CDH4: variants seen among roughly 807,000 people sequenced by gnomAD.
CDH4 encodes cadherin-4.
A neutral mutation model predicts 86.0 loss-of-function variants in CDH4; 33 were observed. The ratio of observed to expected loss-of-function variants is 0.38; its 90% CI spans 0.29 to 0.51. CDH4 has a LOEUF of 0.51. Ranked by LOEUF, CDH4 falls within the 20% of genes least tolerant of loss-of-function variation. The pLI, the probability that CDH4 is intolerant of heterozygous loss-of-function variation, is 0.86. For synonymous variants in CDH4, 555 were observed against 549.4 expected (o/e 1.01, Z -0.14); for missense variants, 1,114 against 1,307.4 (o/e 0.85, Z 2.28).
At chr20:61,385,452 G>A (rs528855973) in intron 2 of CDH4, among the ~76,000 whole-genome samples, 18 of 140,094 alleles carry the variant, frequency 1.3e-4, no homozygotes, top group African/African-American at 3.9e-4. Flanking sequence ...CGAAATCCCC[G>A]CCGCCCCCCG....
rs896389300 is a variant in CDH4 at position 61,305,456 on chromosome 20, G to A, written c.169+50519G>A. On this transcript the variant is annotated intron_variant, in intron 2 of 15. Transcript: ENST00000614565. ...TGCATTTCCAACACTTTTTCTCTAT[G>A]GATGCTGCTGGTGTGGGGACCACAC... Among the ~76,000 whole-genome samples, 75 of 152,350 alleles carry A rather than the reference G, an allele frequency of 4.9e-4. 1 individual carries two copies. The highest frequency in any genetic ancestry group is 1.7e-3 in the African/African-American group (69 of 41,598).
intron 2 of CDH4, among the ~76,000 whole-genome samples, chr20:61,638,882 G>A (rs957706383): frequency 3.3e-5 from 5 of 152,150 alleles, no homozygotes; most frequent in Non-Finnish European, 5.9e-5. Context: ...TTCAGATTCC[G>A]CACAGTGTAG....
chr20:61,841,104 C>T (rs1413524326), intron 4 of CDH4, among the ~76,000 whole-genome samples: 3 of 152,344 alleles, frequency 2.0e-5, no homozygotes, highest in East Asian at 1.9e-4. Flanking sequence ...CCGTCCCTGG[C>T]GCCCACCTCC....
rs78617884 is a variant in CDH4 at position 61,859,329 on chromosome 20, T to C, written c.877+6431T>C. Among the ~76,000 whole-genome samples, 15 of 152,310 alleles carry C rather than the reference T, an allele frequency of 9.8e-5. No homozygotes were observed. In the East Asian group the frequency reaches 2.9e-3, roughly 29 times the overall value. ...TTGTCGGATATGTGGTTTGCAAATA[T>C]TTCTCCCACTCAGTAACTTGTCTTC... is the stretch of plus-strand genomic sequence containing the variant. On this transcript the variant is annotated intron_variant, in intron 6 of 15. Coordinates refer to ENST00000614565, the MANE Select transcript of CDH4 (RefSeq NM_001794.5).
At chr20:61,303,505 C>T (rs891593572) in intron 2 of CDH4, among the ~76,000 whole-genome samples, 1 of 152,196 alleles carries the variant, frequency 6.6e-6, no homozygotes, top group Non-Finnish European at 1.5e-5. Context: ...CCTTCTCTGC[C>T]TCATCCTCAC....
intron 2 of CDH4, among the ~76,000 whole-genome samples, chr20:61,404,083 G>A (rs1160413480): frequency 1.3e-5 from 2 of 152,180 alleles, no homozygotes; most frequent in Admixed American, 6.5e-5. Flanking sequence ...GGACTCCCAG[G>A]AGCTGGGCAC....
In CDH4 at chr20:61,810,129, G is replaced by A. The variant is rs1357825628; in HGVS notation, c.577-34539G>A. 6.6e-6 allele frequency among the ~76,000 whole-genome samples: 1 copy of A among 152,202 alleles called. No individual in the cohort carries two copies. Among genetic ancestry groups the A allele is most frequent in the Non-Finnish European group, 1.5e-5 (1 of 68,040 alleles). ...GACCTGGACGGGCCTCAGCCGGGGT[G>A]GGGTGGGGGGCACCTGAGCCTAGAC... On this transcript the variant is annotated intron_variant, in intron 4 of 15. Coordinates refer to ENST00000614565, the MANE Select transcript of CDH4 (RefSeq NM_001794.5). The surrounding 1 kb of genome is among the most constrained non-coding windows in gnomAD (Gnocchi z 4.3).
At chr20:61,751,553 G>A (rs2088496063) in intron 3 of CDH4, among the ~76,000 whole-genome samples, 2 of 151,904 alleles carry the variant, frequency 1.3e-5, no homozygotes, top group African/African-American at 4.9e-5. Context: ...AATGCCCAGG[G>A]TGCAGACGCT....
At chr20:61,747,408 C>T (rs1415639050) in intron 3 of CDH4, among the ~76,000 whole-genome samples, 4 of 147,650 alleles carry the variant, frequency 2.7e-5, no homozygotes, top group East Asian at 4.0e-4. Flanking sequence ...AGTGAGCCAC[C>T]GCACTCCAGC....
intron 2 of CDH4, among the ~76,000 whole-genome samples, chr20:61,445,438 T>A (rs2085343914): frequency 6.6e-6 from 1 of 152,212 alleles, no homozygotes; most frequent in Non-Finnish European, 1.5e-5. Flanking sequence ...CCAGCCACAG[T>A]GAGGGCCCTC....
At chr20:61,749,267 A>G (rs1379715701) in intron 3 of CDH4, among the ~76,000 whole-genome samples, 1 of 152,246 alleles carries the variant, frequency 6.6e-6, no homozygotes, top group Non-Finnish European at 1.5e-5. Flanking sequence ...CTATGCAATC[A>G]GTGGTCAATT....
Position 61,501,678 on chromosome 20 carries a change from G to A in CDH4, c.170-241885G>A, listed in dbSNP as rs1158946589. On this transcript the variant is annotated intron_variant, in intron 2 of 15. Transcript: ENST00000614565. The surrounding 1 kb of genome is among the most constrained non-coding windows in gnomAD (Gnocchi z 4.2). Reference sequence around the variant, plus strand: ...TGTTCCGGAAAGCATGCCGTGCCCTGTGAACTAGAAGAGGGTACTGGAATA... The same window carrying A: ...TGTTCCGGAAAGCATGCCGTGCCCTATGAACTAGAAGAGGGTACTGGAATA... Among the ~76,000 whole-genome samples, 1 of 152,128 alleles carries A rather than the reference G, an allele frequency of 6.6e-6. No individual in the cohort carries two copies. Among genetic ancestry groups the A allele is most frequent in the East Asian group, 1.9e-4 (1 of 5,174 alleles).
At chr20:61,647,992 C>G (rs1397183715) in intron 2 of CDH4, among the ~76,000 whole-genome samples, 2 of 152,246 alleles carry the variant, frequency 1.3e-5, no homozygotes, top group South Asian at 2.1e-4. Flanking sequence ...CGGCAGGAAC[C>G]CTGACTGCTG....
At chr20:61,643,549 C>T (rs1248938191) in intron 2 of CDH4, among the ~76,000 whole-genome samples, 2 of 152,316 alleles carry the variant, frequency 1.3e-5, no homozygotes, top group African/African-American at 4.8e-5. Context: ...GTCAGGGGAC[C>T]AAGAGGTGCA....
At chr20:61,819,834 G>A (rs1463476829) in intron 4 of CDH4, among the ~76,000 whole-genome samples, 1 of 152,170 alleles carries the variant, frequency 6.6e-6, no homozygotes, top group Non-Finnish European at 1.5e-5. Context: ...TCATTTAGGG[G>A]GCCTGGTGGT....
chr20:61,826,351 T>A (rs568176016), intron 4 of CDH4, among the ~76,000 whole-genome samples: 1 of 152,314 alleles, frequency 6.6e-6, no homozygotes, highest in African/African-American at 2.4e-5. Flanking sequence ...TCCCAAGCAC[T>A]CTTGGTCTTT....
In CDH4 at chr20:61,620,931, C is replaced by G. The variant is rs368215827; in HGVS notation, c.170-122632C>G. On this transcript the variant is annotated intron_variant, in intron 2 of 15. Coordinates refer to ENST00000614565, the MANE Select transcript of CDH4 (RefSeq NM_001794.5). ...AGACTGCTGAGAGGCGCTTCTTCCACGCGGGAAGGTTCAGCTTTCCTGGGT... is the reference window on the plus strand; with the variant it reads ...AGACTGCTGAGAGGCGCTTCTTCCAGGCGGGAAGGTTCAGCTTTCCTGGGT... Among the ~76,000 whole-genome samples the G allele has an allele frequency of 1.3e-3, 191 of 152,354 alleles. 1 individual carries two copies. Among genetic ancestry groups the G allele is most frequent in the Middle Eastern group, 3.4e-3 (1 of 294 alleles).
intron 2 of CDH4, among the ~76,000 whole-genome samples, chr20:61,402,592 T>C (rs527515605): frequency 6.6e-6 from 1 of 152,304 alleles, no homozygotes; most frequent in Admixed American, 6.5e-5. Context: ...GGTTTCATCA[T>C]GTTGGCCAGG....
chr20:61,652,943 T>TTA (rs2087140047), intron 2 of CDH4, among the ~76,000 whole-genome samples: 1 of 121,212 alleles, frequency 8.3e-6, no homozygotes, highest in Non-Finnish European at 1.9e-5. Flanking sequence ...TATTTATTTT[T>TTA]TTTTTTTTTT....
Sources: gnomAD v4.1 joint callset for allele counts (sites outside exome capture counted in the v4.1 genomes callset) on GRCh38, gnomAD v4.1.1 for gene constraint, Gnocchi (gnomAD v3.1) non-coding constraint, MANE v1.5 for transcripts, NCBI Gene and HGNC (gene_info 2026-07-23, HGNC 2026-07-21) for gene names.